The following UNC80 variants were observed in gnomAD, a reference collection of about 807,000 sequenced individuals.
The protein encoded by UNC80 is protein unc-80 homolog.
In UNC80, 164 loss-of-function variants were observed where a neutral mutation model predicts 384.6. That is an observed-to-expected ratio of 0.43 (90% CI 0.38 to 0.49). The LOEUF is 0.49. UNC80 is among the 20% of genes least tolerant of loss of function. UNC80 has a pLI of 0.00. For synonymous variants in UNC80, 1,486 were observed against 1,527.8 expected, an observed-to-expected ratio of 0.97 and a Z score of 0.64; for missense variants, 3,330 against 4,143.0, an observed-to-expected ratio of 0.80 and a Z score of 5.39.
chr2:209,801,689 C>CT (rs56931388), intron 7 of UNC80, among the ~76,000 whole-genome samples: 106,968 of 115,202 alleles, frequency 0.93, 49,855 homozygotes, highest in South Asian at 0.97. Context: ...CCAACCCCTG[C>CT]TTTTTTTTTT....
At chr2:209,922,187 C>A in intron 34 of UNC80, 65 bp from the exon 35 acceptor site, 1 of 1,523,230 alleles carries the variant, frequency 6.6e-7, no homozygotes, top group Non-Finnish European at 8.9e-7. Flanking sequence ...GATACAACAA[C>A]AATGTGATAA....
At chr2:209,935,663 A>T in intron 39 of UNC80, 51 bp from the exon 40 acceptor site, 2 of 998,504 alleles carry the variant, frequency 2.0e-6, no homozygotes, top group Non-Finnish European at 1.4e-6. Context: ...GCTTTAAAAT[A>T]CAAATTTTCT....
chr2:209,959,071 C>T, intron 49 of UNC80, 48 bp from the exon 50 acceptor site: 1 of 1,533,578 alleles, frequency 6.5e-7, no homozygotes, highest in Non-Finnish European at 8.8e-7. Flanking sequence ...AACCAAAGGA[C>T]CCCGTTCTTG....
rs1183580018 is a variant in UNC80 at position 209,967,522 on chromosome 2, A to G, written c.7891A>G (p.Met2631Val). 1.9e-6 allele frequency: 3 copies of G among 1,551,526 alleles called. No individual in the cohort carries two copies. Among genetic ancestry groups the G allele is most frequent in the African/African-American group, 2.7e-5 (2 of 73,016 alleles). ...GAGTCGTGGGCTTCGGCGCTACATC[A>G]TGGAGATGCTACCCATTACTGACTG... is the stretch of plus-strand genomic sequence containing the variant. ...MESRGLRRYI[M>V]EMLPITDWTA... The change falls in exon 52 of 65, where the codon ATG becomes GTG. Residue 2631 changes from methionine to valine, a missense_variant. Around this residue, in one of 8 missense-constraint regions of UNC80, gnomAD observed 1,049 missense variants for 1,488.6 expected, o/e 0.70. Transcript: ENST00000673920.
At chr2:209,775,867 GT>G (rs1559070647) in intron 2 of UNC80, 21 bp from the exon 3 acceptor site, 2 of 1,604,506 alleles carry the variant, frequency 1.2e-6, no homozygotes, top group Middle Eastern at 1.8e-4. Context: ...TTTTCTTATT[GT>G]TTTTGTTTTT....
chr2:209,842,276 C>A, intron 20 of UNC80, 74 bp from the exon 21 acceptor site: 3 of 1,105,732 alleles, frequency 2.7e-6, no homozygotes, highest in Admixed American at 2.5e-5. Flanking sequence ...ATTTTCAAGT[C>A]AAGAGTTGAT....
rs775831769 is a variant in UNC80, at chr2:209,995,342, C to T, written c.9722C>T (p.Pro3241Leu). The change falls in exon 65 of 65, where the codon CCC becomes CTC. Residue 3241 changes from proline (P) to leucine (L), a missense_variant. This residue lies in a region of UNC80 where 236 missense variants were observed against 254.9 expected (regional missense o/e 0.93). Coordinates refer to ENST00000673920, the MANE Select transcript of UNC80 (RefSeq NM_001371986.1). ...TTTTGATCACAGAGTGAGAACTTCC[C>T]CACTGAAGAAGGAGAAAAGGAGGAG... is the stretch of plus-strand genomic sequence containing the variant. Reference protein sequence around the residue: ...SVSPKQSENFPTEEGEKEEDT... With the variant: ...SVSPKQSENFLTEEGEKEEDT... 2.3e-5 allele frequency: 35 copies of T among 1,552,040 alleles called. No individual in the cohort carries two copies. The South Asian group carries it at 4.0e-4, about 18-fold the overall frequency.
chr2:209,895,675 G>T lies in UNC80; in HGVS notation c.4481-638G>T, dbSNP rs887897468. On this transcript the variant is annotated intron_variant, in intron 27 of 64. Coordinates refer to ENST00000673920, the MANE Select transcript of UNC80 (RefSeq NM_001371986.1). ...TTTGTCATTAAAAAGATCTATAAAAGATTTTAGATTTGAGGGGAAAGCTTT... is the reference window on the plus strand; with the variant it reads ...TTTGTCATTAAAAAGATCTATAAAATATTTTAGATTTGAGGGGAAAGCTTT... Among the ~76,000 whole-genome samples the T allele has an allele frequency of 4.6e-5, 7 of 152,176 alleles. No individual in the cohort carries two copies. In the East Asian group the frequency reaches 1.3e-3, roughly 29 times the overall value.
chr2:209,869,656 G>A (rs557591166), intron 22 of UNC80, among the ~76,000 whole-genome samples: 53 of 152,202 alleles, frequency 3.5e-4, no homozygotes, highest in African/African-American at 1.2e-3. Flanking sequence ...GTGACTCTAT[G>A]TCATCATCCT....
intron 56 of UNC80, among the ~76,000 whole-genome samples, chr2:209,974,433 G>A (rs116372529): frequency 0.019 from 2,960 of 152,228 alleles, 84 homozygotes; most frequent in African/African-American, 0.067. Context: ...GGAGGAAAGG[G>A]GCTCACCATG....
intron 21 of UNC80, 82 bp downstream of exon 21, chr2:209,842,528 C>T: frequency 2.0e-6 from 2 of 981,106 alleles, no homozygotes; most frequent in Admixed American, 2.5e-5. Flanking sequence ...GGTCCATTTT[C>T]TATTTTCATT....
At chr2:209,968,223 A>G (rs1459948476) in intron 52 of UNC80, 1 of 152,356 alleles carries the variant, frequency 6.6e-6, no homozygotes, top group African/African-American at 2.4e-5. Context: ...TAGCCTACAT[A>G]TTAGCAGATG....
At chr2:209,943,021 C>A (rs1252769487) in intron 44 of UNC80, among the ~76,000 whole-genome samples, 1 of 152,122 alleles carries the variant, frequency 6.6e-6, no homozygotes, top group Non-Finnish European at 1.5e-5. Flanking sequence ...TTTGTATATA[C>A]CATAATTCAC....
chr2:209,873,585 AC>A (rs548651595), intron 23 of UNC80, among the ~76,000 whole-genome samples: 53 of 152,348 alleles, frequency 3.5e-4, no homozygotes, highest in African/African-American at 1.2e-3. Flanking sequence ...CCTTAAAATA[AC>A]TACAACTTCT....
intron 31 of UNC80, among the ~76,000 whole-genome samples, chr2:209,916,977 G>A (rs1311917373): frequency 1.3e-5 from 2 of 152,070 alleles, no homozygotes; most frequent in Non-Finnish European, 2.9e-5. Flanking sequence ...AAAGAAAATC[G>A]CAAGCTAAGA....
At chr2:209,836,972 G>A (rs1029376528) in intron 18 of UNC80, among the ~76,000 whole-genome samples, 3 of 152,080 alleles carry the variant, frequency 2.0e-5, no homozygotes, top group East Asian at 1.9e-4. Context: ...AGTCATACAC[G>A]TATCATGCCA....
intron 13 of UNC80, among the ~76,000 whole-genome samples, chr2:209,822,088 A>G (rs1362088983): frequency 2.6e-5 from 4 of 151,924 alleles, no homozygotes; most frequent in African/African-American, 9.7e-5. Flanking sequence ...TCTTCATTTT[A>G]TTGTTTACTC....
At chr2:209,907,809 T>C (rs977873703) in intron 29 of UNC80, among the ~76,000 whole-genome samples, 1 of 152,208 alleles carries the variant, frequency 6.6e-6, no homozygotes, top group Non-Finnish European at 1.5e-5. Context: ...AGAGCAGTTA[T>C]TAATATTAAG....
intron 28 of UNC80, among the ~76,000 whole-genome samples, chr2:209,902,368 A>G (rs1008006341): frequency 2.0e-5 from 3 of 152,236 alleles, no homozygotes; most frequent in African/African-American, 4.8e-5. Flanking sequence ...TGCAATGACA[A>G]CAGATAATTT....
Sources: gnomAD v4.1 joint callset for allele counts (sites outside exome capture counted in the v4.1 genomes callset) on GRCh38, gnomAD v4.1.1 for gene constraint, gnomAD v4.1.1 regional missense constraint, MANE v1.5 for transcripts, NCBI Gene and HGNC (gene_info 2026-07-23, HGNC 2026-07-21) for gene names.